The following DDR1 variants were observed in gnomAD, a reference collection of about 807,000 sequenced individuals.
DDR1 encodes epithelial discoidin domain-containing receptor 1.
DDR1 carries 64 observed loss-of-function variants against 97.4 expected under a neutral mutation model. The observed-to-expected ratio is 0.66, with a 90% CI of 0.54 to 0.81. The LOEUF is 0.81. Among genes scored for constraint, DDR1 ranks in the 30% least tolerant of loss-of-function variants. The pLI is 0.00. For missense variants in DDR1, 990 were observed against 1,259.6 expected, an observed-to-expected ratio of 0.79 and a Z score of 3.24; for synonymous variants, 458 against 503.7, an observed-to-expected ratio of 0.91 and a Z score of 1.21.
Position 30,891,990 on chromosome 6 carries a change from C to G in DDR1, c.666-12C>G. 1 of 1,613,698 alleles carries G rather than the reference C, an allele frequency of 6.2e-7. No individual in the cohort carries two copies. Among genetic ancestry groups the G allele is most frequent in the South Asian group, 1.1e-5 (1 of 91,060 alleles). ...CTTCCAACCTCCTCTTCCTTGGTCC[C>G]CTCTTCTCCAGACTGCAGTATGGGG... is the stretch of plus-strand genomic sequence containing the variant. On this transcript the variant is annotated splice_polypyrimidine_tract_variant and intron_variant, in intron 6 of 17. Transcript: ENST00000376568. The surrounding 1 kb of genome is among the most constrained non-coding windows in gnomAD (Gnocchi z 5.3).
At position 30,891,556 on chromosome 6, in the gene DDR1, T is replaced by A. The variant is rs1034596697; in HGVS notation, c.665+77T>A. The A allele has an allele frequency of 7.0e-5, 62 of 885,220 alleles. No homozygotes were observed. The highest frequency in any genetic ancestry group is 9.3e-5 in the Non-Finnish European group (53 of 571,744). The allele number at this position is 885,220 out of a possible 1,614,324, so 54.8% of individuals were successfully genotyped here. The stretch of plus-strand genomic sequence containing the variant: ...GTGTGTGTGTGTGTGTGTGTGTGTG[T>A]GAGAGTGTGTGTGTGTAGGGGGGCT... On this transcript the variant is annotated intron_variant, in intron 6 of 17. Transcript: ENST00000376568. The surrounding 1 kb of genome is among the most constrained non-coding windows in gnomAD (Gnocchi z 5.3).
chr6:30,885,089 T>G lies in DDR1; in HGVS notation c.-43+379T>G, dbSNP rs2150227094. 3.7e-6 allele frequency: 4 copies of G among 1,069,216 alleles called. No individual in the cohort carries two copies. The East Asian group carries it at 1.1e-4, about 28-fold the overall frequency. 66.2% of individuals were successfully genotyped at this position (1,069,216 alleles called of 1,614,324 possible). ...CCAGTCCCTGCGGGCATCTAACTGC[T>G]AAGCCTCCGCTCAGCCAACACCCAG... On this transcript the variant is annotated intron_variant, in intron 1 of 17. Coordinates refer to ENST00000376568, the MANE Select transcript of DDR1 (RefSeq NM_001297654.2).
At position 30,889,185 on chromosome 6, in the gene DDR1, C is replaced by T. The variant is rs769943537; in HGVS notation, c.189-17C>T. On this transcript the variant is annotated splice_polypyrimidine_tract_variant and intron_variant, in intron 3 of 17. Coordinates refer to ENST00000376568, the MANE Select transcript of DDR1 (RefSeq NM_001297654.2). The surrounding 1 kb of genome is among the most constrained non-coding windows in gnomAD (Gnocchi z 4.9). ...GACCTGGGGCCAGATGTTCTCTGTG[C>T]CCCTCTTCACCCTCAGGTTGGAGAG... The T allele has an allele frequency of 2.5e-6, 4 of 1,611,732 alleles. No homozygotes were observed. The highest frequency in any genetic ancestry group is 3.4e-6 in the Non-Finnish European group (4 of 1,178,902).
rs976393748 is a variant in DDR1 at position 30,897,266 on chromosome 6, C to T, written c.1998-113C>T. ...ATCTCTGGGAGGGGATTTACATGTA[C>T]GCTGGGGGTGGGGACGCCTGGTCTG... On this transcript the variant is annotated intron_variant, in intron 14 of 17. Transcript: ENST00000376568. This position sits in a 1 kb window ranked among gnomAD's most constrained non-coding sequence, Gnocchi z 5.2. 1.0e-4 allele frequency: 116 copies of T among 1,144,930 alleles called. No individual in the cohort carries two copies. Among genetic ancestry groups the T allele is most frequent in the East Asian group, 2.0e-4 (4 of 20,494 alleles). 70.9% of individuals were successfully genotyped at this position (1,144,930 alleles called of 1,614,324 possible).
chr6:30,895,545 G>C (rs1248398657), intron 12 of DDR1, 31 bp downstream of exon 12: 3 of 1,423,814 alleles, frequency 2.1e-6, no homozygotes, highest in African/African-American at 1.4e-5. Context: ...GCTCCGCCAG[G>C]CTCCCCATAC....
chr6:30,896,919 C>T (rs2150429666), intron 13 of DDR1, 54 bp downstream of exon 13: 1 of 1,562,832 alleles, frequency 6.4e-7, no homozygotes, highest in South Asian at 1.2e-5. Context: ...TGATGCCATG[C>T]CTGCGCATCC....
In DDR1 at chr6:30,899,172, C is replaced by T. The variant is rs779035359; in HGVS notation, c.2618C>T (p.Pro873Leu). The T allele has an allele frequency of 1.5e-5, 24 of 1,614,098 alleles. No homozygotes were observed. The highest frequency in any genetic ancestry group is 4.5e-5 in the East Asian group (2 of 44,900). ...DQGRQVYLSR[P>L]PACPQGLYEL... ...ACAATGCAGGTGTACCTGTCCCGGC[C>T]GCCTGCCTGCCCGCAGGGCCTATAT... The change falls in exon 18 of 18, where the codon CCG becomes CTG. Residue 873 changes from proline (P) to leucine (L), a missense_variant. By Grantham distance (98) the Pro-to-Leu change is moderately conservative. Transcript: ENST00000376568.
chr6:30,885,776 A>G, intron 1 of DDR1: 3 of 1,291,666 alleles, frequency 2.3e-6, no homozygotes, highest in Non-Finnish European at 3.0e-6. Flanking sequence ...GGGTGTGTGC[A>G]TGCCACATTT....
Position 30,897,236 on chromosome 6 carries a change from G to T in DDR1, c.1997+95G>T, listed in dbSNP as rs2150437372. ...AACAATGGCAGAGCCCAACAGAGGGGTGGCATCTCTGGGAGGGGATTTACA... is the reference window on the plus strand; with the variant it reads ...AACAATGGCAGAGCCCAACAGAGGGTTGGCATCTCTGGGAGGGGATTTACA... On this transcript the variant is annotated intron_variant, in intron 14 of 17. Transcript: ENST00000376568. This position sits in a 1 kb window ranked among gnomAD's most constrained non-coding sequence, Gnocchi z 5.2. 1 of 1,557,120 alleles carries T rather than the reference G, an allele frequency of 6.4e-7. No individual in the cohort carries two copies. Among genetic ancestry groups the T allele is most frequent in the Non-Finnish European group, 8.7e-7 (1 of 1,150,614 alleles).
Position 30,885,561 on chromosome 6 carries a change from G to A in DDR1, c.-43+851G>A, listed in dbSNP as rs550743274. 1,861 of 1,407,550 alleles carry A rather than the reference G, an allele frequency of 1.3e-3. 10 individuals are homozygous for A. The highest frequency in any genetic ancestry group is 6.5e-3 in the Admixed American group (265 of 40,522). The allele number at this position is 1,407,550 out of a possible 1,614,324, so 87.2% of individuals were successfully genotyped here. ...GGATCCTGTGCCCAAGGGCCCGGGT[G>A]TGTGTGTCTCATGCTGTCTTTTGGT... On this transcript the variant is annotated intron_variant, in intron 1 of 17. Transcript: ENST00000376568.
Position 30,889,378 on chromosome 6 carries a change from A to T in DDR1, c.365A>T (p.Tyr122Phe), listed in dbSNP as rs1787145697. 1 of 1,601,564 alleles carries T rather than the reference A, an allele frequency of 6.2e-7. No homozygotes were observed. The highest frequency in any genetic ancestry group is 1.3e-5 in the African/African-American group (1 of 74,630). The change falls in exon 4 of 18, where the codon TAC becomes TTC. Residue 122 changes from tyrosine to phenylalanine, a missense_variant. Coordinates refer to ENST00000376568, the MANE Select transcript of DDR1 (RefSeq NM_001297654.2). The surrounding 1 kb of genome is among the most constrained non-coding windows in gnomAD (Gnocchi z 4.9). The part of the protein sequence containing the change: ...KEFSRSYRLR[Y>F]SRDGRRWMGW... Reference sequence around the variant, plus strand: ...TTCTCCCGGAGCTACCGGCTGCGTTACTCCCGGGATGGTCGCCGCTGGATG... The same window carrying T: ...TTCTCCCGGAGCTACCGGCTGCGTTTCTCCCGGGATGGTCGCCGCTGGATG...
Position 30,886,112 on chromosome 6 carries a change from C to G in DDR1, c.-43+1402C>G, listed in dbSNP as rs1296224670. On this transcript the variant is annotated intron_variant, in intron 1 of 17. Coordinates refer to ENST00000376568, the MANE Select transcript of DDR1 (RefSeq NM_001297654.2). This position sits in a 1 kb window ranked among gnomAD's most constrained non-coding sequence, Gnocchi z 4.6. The stretch of plus-strand genomic sequence containing the variant: ...CTCTGTGCTTCTCCGTGTTCCTCTG[C>G]TTGGCTCTGTGCCCCGTGTTTCTGA... 6.6e-6 allele frequency among the ~76,000 whole-genome samples: 1 copy of G among 152,150 alleles called. No individual in the cohort carries two copies. The highest frequency in any genetic ancestry group is 1.5e-5 in the Non-Finnish European group (1 of 68,012).
rs148634108 is a variant in DDR1 at position 30,895,362 on chromosome 6, C to T, written c.1514-42C>T. 4,991 of 1,498,240 alleles carry T rather than the reference C, an allele frequency of 3.3e-3. 15 individuals are homozygous for T. The highest frequency in any genetic ancestry group is 3.5e-3 in the Non-Finnish European group (3,761 of 1,085,452). 92.8% of individuals were successfully genotyped at this position (1,498,240 alleles called of 1,614,324 possible). On this transcript the variant is annotated intron_variant, in intron 11 of 17. Coordinates refer to ENST00000376568, the MANE Select transcript of DDR1 (RefSeq NM_001297654.2). ...TCTCCCTGTCTGTCTAGCCTTGAGT[C>T]TCATCCCTTCCCCGTGTTTCCCCTC...
chr6:30,892,502 G>A lies in DDR1; in HGVS notation c.1059G>A (p.Ala353=), dbSNP rs952147245. 9.9e-6 allele frequency: 16 copies of A among 1,608,044 alleles called. No homozygotes were observed. Among genetic ancestry groups the A allele is most frequent in the South Asian group, 4.4e-5 (4 of 90,770 alleles). ...TTCTGCAGTGCCGCTTCCTCTTTGC[G>A]GGGCCCTGGTTACTCTTCAGCGAAA... ...ARFLQCRFLF[A]GPWLLFSEIS... is the part of the protein sequence containing the mutation. The change falls in exon 8 of 18, where the codon GCG becomes GCA. Residue 353 remains alanine, a synonymous_variant. Coordinates refer to ENST00000376568, the MANE Select transcript of DDR1 (RefSeq NM_001297654.2).
Position 30,888,495 on chromosome 6 carries a change from G to C in DDR1, c.-42-193G>C. ...AAGTGACTGTGAAGATAAAATTATGGATTCTGTTTAAGGGTTTAGGCCAGT... is the reference window on the plus strand; with the variant it reads ...AAGTGACTGTGAAGATAAAATTATGCATTCTGTTTAAGGGTTTAGGCCAGT... On this transcript the variant is annotated intron_variant, in intron 1 of 17. Coordinates refer to ENST00000376568, the MANE Select transcript of DDR1 (RefSeq NM_001297654.2). This position sits in a 1 kb window ranked among gnomAD's most constrained non-coding sequence, Gnocchi z 4.2. 1.6e-6 allele frequency: 1 copy of C among 615,978 alleles called. No individual in the cohort carries two copies. Among genetic ancestry groups the C allele is most frequent in the Non-Finnish European group, 2.8e-6 (1 of 358,058 alleles). 38.2% of individuals were successfully genotyped at this position (615,978 alleles called of 1,614,324 possible). A position where few individuals can be genotyped will look rare whatever the true frequency, so the allele number is the denominator to read the frequency against.
Position 30,891,904 on chromosome 6 carries a change from G to A in DDR1, c.666-98G>A. On this transcript the variant is annotated intron_variant, in intron 6 of 17. Transcript: ENST00000376568. This position sits in a 1 kb window ranked among gnomAD's most constrained non-coding sequence, Gnocchi z 5.3. ...GGGACTAGTGGATGGGAGCCAGGCT[G>A]GCCATGCCACTGTGCCGGAGGGTGG... is the stretch of plus-strand genomic sequence containing the variant. The A allele has an allele frequency of 7.4e-7, 1 of 1,344,580 alleles. No individual in the cohort carries two copies. Among genetic ancestry groups the A allele is most frequent in the South Asian group, 1.3e-5 (1 of 78,622 alleles). The allele number at this position is 1,344,580 out of a possible 1,614,324, so 83.3% of individuals were successfully genotyped here. A position where few individuals can be genotyped will look rare whatever the true frequency, so the allele number is the denominator to read the frequency against.
chr6:30,881,548 C>T (rs1784333137), upstream of DDR1, among the ~76,000 whole-genome samples: 1 of 152,174 alleles, frequency 6.6e-6, no homozygotes. Flanking sequence ...CTTGTCCTTG[C>T]TTCTTGTCCC....
Position 30,897,569 on chromosome 6 carries a change from G to C in DDR1, c.2188G>C (p.Gly730Arg), listed in dbSNP as rs772043111. 1 of 1,612,988 alleles carries C rather than the reference G, an allele frequency of 6.2e-7. No individual in the cohort carries two copies. The highest frequency in any genetic ancestry group is 8.5e-7 in the Non-Finnish European group (1 of 1,179,944). The change falls in exon 15 of 18, where the codon GGG becomes CGG. Residue 730 changes from glycine (G) to arginine (R), a missense_variant. Physicochemically the swap from Gly to Arg is moderately radical, Grantham distance 125 (BLOSUM62 -2). Coordinates refer to ENST00000376568, the MANE Select transcript of DDR1 (RefSeq NM_001297654.2). The surrounding 1 kb of genome is among the most constrained non-coding windows in gnomAD (Gnocchi z 5.2). ...GGCAGCCGAGGGGGCCCCTGGGGAC[G>C]GGCAGGCTGCGCAGGGGCCCACCAT... ...DKAAEGAPGDGQAAQGPTISY... is the reference protein window; with the variant it reads ...DKAAEGAPGDRQAAQGPTISY...
In DDR1 at chr6:30,892,043, T is replaced by G. The variant is rs932025804; in HGVS notation, c.707T>G (p.Val236Gly). The change falls in exon 7 of 18, where the codon GTG (valine) becomes GGG (glycine). Residue 236 changes from valine (V) to glycine (G), a missense_variant. By Grantham distance (109) the Val-to-Gly change is moderately radical. Coordinates refer to ENST00000376568, the MANE Select transcript of DDR1 (RefSeq NM_001297654.2). ...CTGGGCCAGCTGGCAGATGGTGTGG[T>G]GGGGCTGGATGACTTTAGGAAGAGT... ...GGLGQLADGV[V>G]GLDDFRKSQE... 22 of 1,613,924 alleles carry G rather than the reference T, an allele frequency of 1.4e-5. No individual in the cohort carries two copies. Among genetic ancestry groups the G allele is most frequent in the Non-Finnish European group, 1.8e-5 (21 of 1,179,926 alleles).
Sources: gnomAD v4.1 joint callset for allele counts (sites outside exome capture counted in the v4.1 genomes callset) on GRCh38, gnomAD v4.1.1 for gene constraint, Gnocchi (gnomAD v3.1) non-coding constraint, MANE v1.5 for transcripts, NCBI Gene and HGNC (gene_info 2026-07-23, HGNC 2026-07-21) for gene names.